PCED1B: variants seen among roughly 807,000 people sequenced by gnomAD.
PCED1B encodes PC-esterase domain-containing protein 1B.
For missense variants in PCED1B, 573 were observed against 573.9 expected, an observed-to-expected ratio of 1.00 and a Z score of 0.02; for synonymous variants, 251 against 246.1, an observed-to-expected ratio of 1.02 and a Z score of -0.19.
intron 1 of PCED1B, among the ~76,000 whole-genome samples, chr12:47,094,656 C>T (rs1938403798): frequency 6.6e-6 from 1 of 151,984 alleles, no homozygotes; most frequent in Non-Finnish European, 1.5e-5. Context: ...ATTATCTTTG[C>T]CACTCCTCTG....
chr12:47,144,456 C>T (rs567312762), intron 2 of PCED1B, among the ~76,000 whole-genome samples: 4 of 152,304 alleles, frequency 2.6e-5, no homozygotes, highest in South Asian at 4.1e-4. Context: ...ACTTGGTTTG[C>T]TCTCCTGAAT....
chr12:47,141,497 A>G (rs1226849586), intron 2 of PCED1B, among the ~76,000 whole-genome samples: 1 of 152,084 alleles, frequency 6.6e-6, no homozygotes, highest in Non-Finnish European at 1.5e-5. Context: ...ACTCACACCC[A>G]CCTGTGCTTC....
intron 2 of PCED1B, among the ~76,000 whole-genome samples, chr12:47,122,056 T>G (rs1939702318): frequency 6.6e-6 from 1 of 151,462 alleles, no homozygotes; most frequent in South Asian, 2.1e-4. Flanking sequence ...TGCTCTGAAC[T>G]TCCCTTTTTT....
intron 1 of PCED1B, among the ~76,000 whole-genome samples, chr12:47,091,522 G>A (rs1398894924): frequency 1.3e-5 from 2 of 151,898 alleles, no homozygotes; most frequent in East Asian, 3.9e-4. Flanking sequence ...TCAATTTGGG[G>A]GAACAGAAGT....
chr12:47,196,080 A>G (rs146408239), intron 2 of PCED1B, among the ~76,000 whole-genome samples: 47 of 152,382 alleles, frequency 3.1e-4, no homozygotes, highest in South Asian at 1.0e-3. Context: ...TTAACTTTGC[A>G]AAGACTATTA....
intron 2 of PCED1B, among the ~76,000 whole-genome samples, chr12:47,189,575 A>C (rs1942380876): frequency 1.3e-5 from 2 of 152,192 alleles, no homozygotes. Context: ...ACACCATTCA[A>C]GGCTTATATT....
At chr12:47,131,909 C>T (rs1414073726) in intron 2 of PCED1B, among the ~76,000 whole-genome samples, 3 of 152,020 alleles carry the variant, frequency 2.0e-5, no homozygotes, top group East Asian at 3.9e-4. Context: ...CCTCGTGATC[C>T]GCCCACCTCC....
chr12:47,090,255 G>A (rs1938205748), intron 1 of PCED1B, among the ~76,000 whole-genome samples: 3 of 152,064 alleles, frequency 2.0e-5, no homozygotes, highest in South Asian at 2.1e-4. Flanking sequence ...AATGGACAAC[G>A]AACAGAGAAC....
At chr12:47,193,227 G>C (rs559712149) in intron 2 of PCED1B, among the ~76,000 whole-genome samples, 4 of 152,146 alleles carry the variant, frequency 2.6e-5, no homozygotes, top group Non-Finnish European at 5.9e-5. Context: ...CCTCAGAGAG[G>C]TTGAGTAACT....
rs574893091 is a variant in PCED1B, at chr12:47,207,401, C to T, written c.-525-8821C>T. On this transcript the variant is annotated intron_variant, in intron 2 of 3. Transcript: ENST00000546455. ...GAAAGAGGAAGCCCTGTGCCACCTCCCCAGAGCTGTGTGAGGCCCAGGGGC... is the reference window on the plus strand; with the variant it reads ...GAAAGAGGAAGCCCTGTGCCACCTCTCCAGAGCTGTGTGAGGCCCAGGGGC... 4.6e-5 allele frequency among the ~76,000 whole-genome samples: 7 copies of T among 152,316 alleles called. No homozygotes were observed. In the East Asian group the frequency reaches 1.3e-3, roughly 29 times the overall value.
At chr12:47,129,735 A>G (rs1940044905) in intron 2 of PCED1B, among the ~76,000 whole-genome samples, 1 of 152,186 alleles carries the variant, frequency 6.6e-6, no homozygotes, top group Non-Finnish European at 1.5e-5. Flanking sequence ...ACCTGTGACT[A>G]TAGTGGCGGA....
intron 2 of PCED1B, among the ~76,000 whole-genome samples, chr12:47,215,781 A>T (rs1674323816): frequency 6.6e-6 from 1 of 151,086 alleles, no homozygotes; most frequent in Admixed American, 6.6e-5. Context: ...GTGGCCTGCC[A>T]TGGTGGCTCA....
chr12:47,175,071 C>T (rs768733145), intron 2 of PCED1B, among the ~76,000 whole-genome samples: 7 of 152,038 alleles, frequency 4.6e-5, no homozygotes, highest in Non-Finnish European at 7.4e-5. Flanking sequence ...TTTTTAAACA[C>T]CCTTATAATA....
intron 2 of PCED1B, among the ~76,000 whole-genome samples, chr12:47,113,181 G>A (rs1284923682): frequency 2.0e-5 from 3 of 152,184 alleles, no homozygotes; most frequent in Non-Finnish European, 4.4e-5. Context: ...AGAAGTAGGG[G>A]AGAGGATTTA....
intron 2 of PCED1B, among the ~76,000 whole-genome samples, chr12:47,207,969 G>A (rs1942960695): frequency 6.6e-6 from 1 of 152,050 alleles, no homozygotes; most frequent in Admixed American, 6.6e-5. Context: ...CTCTGTGAAT[G>A]ACAGTTTCTC....
intron 2 of PCED1B, among the ~76,000 whole-genome samples, chr12:47,171,424 C>G (rs1197188201): frequency 6.6e-6 from 1 of 152,098 alleles, no homozygotes; most frequent in African/African-American, 2.4e-5. Context: ...GGGTTCTAAG[C>G]TATTATTAGA....
intron 2 of PCED1B, among the ~76,000 whole-genome samples, chr12:47,105,496 A>G (rs967850014): frequency 1.1e-4 from 16 of 152,202 alleles, no homozygotes; most frequent in Non-Finnish European, 7.3e-5. Context: ...CTGTGCATGC[A>G]GCATTGGTAG....
At chr12:47,190,050 A>G (rs1942395141) in intron 2 of PCED1B, among the ~76,000 whole-genome samples, 1 of 152,234 alleles carries the variant, frequency 6.6e-6, no homozygotes, top group South Asian at 2.1e-4. Context: ...CTACTTCAGT[A>G]TCACTTGAGG....
intron 2 of PCED1B, among the ~76,000 whole-genome samples, chr12:47,134,551 T>C (rs1489753781): frequency 1.3e-5 from 2 of 152,178 alleles, no homozygotes; most frequent in African/African-American, 4.8e-5. Context: ...CATCTAATCT[T>C]TCACCTCAAA....
Sources: allele counts gnomAD v4.1 joint callset (sites outside exome capture counted in the v4.1 genomes callset), GRCh38; gene constraint gnomAD v4.1.1; transcripts MANE v1.5; gene names NCBI Gene and HGNC (gene_info 2026-07-23, HGNC 2026-07-21).